RABL3: variants seen among roughly 807,000 people sequenced by gnomAD.
The protein encoded by RABL3 is RAB, member of RAS oncogene family like 3.
RABL3 carries 31 observed loss-of-function variants against 31.8 expected under a neutral mutation model. The observed-to-expected ratio is 0.97, with a 90% CI of 0.73 to 1.31. The LOEUF (loss-of-function observed/expected upper bound fraction) is 1.31, where lower values mean the gene tolerates loss of function less well. Among genes scored for constraint, RABL3 ranks in the 40% most tolerant of loss-of-function variants. The pLI is 0.00. For missense variants in RABL3, 263 were observed against 279.6 expected (o/e 0.94, Z 0.42); for synonymous variants, 97 against 99.9 (o/e 0.97, Z 0.18).
chr3:120,713,568 A>G (rs1302809076), intron 2 of RABL3, among the ~76,000 whole-genome samples: 1 of 152,132 alleles, frequency 6.6e-6, no homozygotes, highest in Non-Finnish European at 1.5e-5. Flanking sequence ...GCAGGTCATC[A>G]AGGATCTGAT....
At chr3:120,693,476 A>G (rs950885297) in intron 6 of RABL3, among the ~76,000 whole-genome samples, 1 of 152,212 alleles carries the variant, frequency 6.6e-6, no homozygotes, top group Non-Finnish European at 1.5e-5. Flanking sequence ...ACATGCAGAA[A>G]GACATCCTGT....
chr3:120,733,310 C>T (rs1458197537), intron 1 of RABL3, among the ~76,000 whole-genome samples: 1 of 152,110 alleles, frequency 6.6e-6, no homozygotes, highest in African/African-American at 2.4e-5. Flanking sequence ...TCTCTGATGG[C>T]CAGTGATGAT....
chr3:120,716,156 A>G (rs1040579855), intron 2 of RABL3, among the ~76,000 whole-genome samples: 1 of 152,228 alleles, frequency 6.6e-6, no homozygotes, highest in Non-Finnish European at 1.5e-5. Context: ...CATTAAAGTG[A>G]ACTAGAAATG....
chr3:120,719,073 A>C (rs564668808), intron 2 of RABL3, among the ~76,000 whole-genome samples: 1 of 152,336 alleles, frequency 6.6e-6, no homozygotes, highest in Non-Finnish European at 1.5e-5. Flanking sequence ...AGACCAAAAA[A>C]ACCCACCCAA....
chr3:120,719,780 A>C (rs753548764), intron 2 of RABL3, among the ~76,000 whole-genome samples: 1 of 152,152 alleles, frequency 6.6e-6, no homozygotes, highest in Non-Finnish European at 1.5e-5. Flanking sequence ...GGGGCAGGGC[A>C]TAGCCAGAAA....
At chr3:120,691,009 T>C (rs985954735) in intron 6 of RABL3, among the ~76,000 whole-genome samples, 1 of 152,090 alleles carries the variant, frequency 6.6e-6, no homozygotes, top group African/African-American at 2.4e-5. Context: ...CTAATGACTG[T>C]TGTAAATTGT....
intron 2 of RABL3, among the ~76,000 whole-genome samples, chr3:120,713,211 A>T (rs566316055): frequency 1.9e-4 from 29 of 152,244 alleles, no homozygotes; most frequent in Non-Finnish European, 3.2e-4. Context: ...AGCCAGACTG[A>T]CTCACTCATC....
intron 1 of RABL3, among the ~76,000 whole-genome samples, chr3:120,736,538 G>A (rs1239561880): frequency 2.0e-5 from 3 of 152,156 alleles, no homozygotes; most frequent in Non-Finnish European, 2.9e-5. Context: ...TTACATTTAA[G>A]GTTAATATTG....
At chr3:120,736,911 C>A (rs1179481590) in intron 1 of RABL3, among the ~76,000 whole-genome samples, 1 of 152,236 alleles carries the variant, frequency 6.6e-6, no homozygotes, top group African/African-American at 2.4e-5. Context: ...CGCTGATGGG[C>A]TTCCCTTTGT....
intron 1 of RABL3, among the ~76,000 whole-genome samples, chr3:120,736,452 G>A (rs1024782322): frequency 6.6e-6 from 1 of 152,152 alleles, no homozygotes; most frequent in African/African-American, 2.4e-5. Flanking sequence ...TACATGAGCT[G>A]GGTCTCCTGA....
intron 2 of RABL3, among the ~76,000 whole-genome samples, chr3:120,728,086 A>C (rs1366944370): frequency 6.6e-6 from 1 of 152,180 alleles, no homozygotes; most frequent in African/African-American, 2.4e-5. Flanking sequence ...TAATTCAATA[A>C]GACAAGTGGG....
intron 2 of RABL3, among the ~76,000 whole-genome samples, chr3:120,727,021 G>A (rs1300963970): frequency 1.3e-5 from 2 of 151,968 alleles, no homozygotes; most frequent in African/African-American, 2.4e-5. Context: ...TTTTAGGAAT[G>A]CAGTTAACGC....
At position 120,699,511 on chromosome 3, in the gene RABL3, G is replaced by A. The variant is rs191395785; in HGVS notation, c.384-938C>T. ...TAAAACAGATTTGGATTTCTGACAC[G>A]TTATAAGCTCAACTTACAACAGTCA... On this transcript the variant is annotated intron_variant, in intron 4 of 7. Transcript: ENST00000273375. Among the ~76,000 whole-genome samples, 17 of 152,236 alleles carry A rather than the reference G, an allele frequency of 1.1e-4. 1 individual carries two copies. The highest frequency in any genetic ancestry group is 1.0e-3 in the Admixed American group (16 of 15,300).
intron 2 of RABL3, among the ~76,000 whole-genome samples, chr3:120,724,898 T>G (rs1158589438): frequency 6.6e-6 from 1 of 152,044 alleles, no homozygotes; most frequent in Non-Finnish European, 1.5e-5. Context: ...GGGCAAGGAC[T>G]TCATGTCTAA....
intron 4 of RABL3, among the ~76,000 whole-genome samples, chr3:120,705,223 T>C (rs1322926740): frequency 6.6e-6 from 1 of 152,202 alleles, no homozygotes; most frequent in East Asian, 1.9e-4. Context: ...AGAATAAAGA[T>C]GTTAATTCTC....
At chr3:120,727,051 T>C (rs1452127010) in intron 2 of RABL3, among the ~76,000 whole-genome samples, 8 of 152,080 alleles carry the variant, frequency 5.3e-5, no homozygotes, top group Admixed American at 5.2e-4. Flanking sequence ...ATAGAAATTT[T>C]AGAGTCTTAG....
intron 1 of RABL3, among the ~76,000 whole-genome samples, chr3:120,738,160 C>T (rs975316711): frequency 6.6e-6 from 1 of 152,212 alleles, no homozygotes; most frequent in Non-Finnish European, 1.5e-5. Flanking sequence ...CCACCCAGTT[C>T]GAGCTTCCTG....
intron 1 of RABL3, among the ~76,000 whole-genome samples, chr3:120,735,460 G>A (rs1708947311): frequency 6.6e-6 from 1 of 151,956 alleles, no homozygotes. Flanking sequence ...TCTTGCTAGT[G>A]GTCTATCAAT....
At chr3:120,694,725 T>A (rs986820419) in intron 5 of RABL3, among the ~76,000 whole-genome samples, 1 of 152,074 alleles carries the variant, frequency 6.6e-6, no homozygotes, top group South Asian at 2.1e-4. Context: ...TGCCAAGGAT[T>A]TCTCTTTAGA....
Sources: gnomAD v4.1 joint callset for allele counts (sites outside exome capture counted in the v4.1 genomes callset) on GRCh38, gnomAD v4.1.1 for gene constraint, MANE v1.5 for transcripts, NCBI Gene and HGNC (gene_info 2026-07-23, HGNC 2026-07-21) for gene names.